The following ZNF45 variants were observed in gnomAD, a reference collection of about 807,000 sequenced individuals.
ZNF45 encodes the protein BRC1744.
ZNF45 carries 4 observed loss-of-function variants against 12.0 expected under a neutral mutation model. That is an observed-to-expected ratio of 0.33 (90% CI 0.16 to 0.76). The LOEUF (loss-of-function observed/expected upper bound fraction) is 0.76, where lower values mean the gene tolerates loss of function less well. Among genes scored for constraint, ZNF45 ranks in the 30% least tolerant of loss-of-function variants. ZNF45 has a pLI of 0.60. For synonymous variants in ZNF45, 272 were observed against 279.6 expected, an observed-to-expected ratio of 0.97 and a Z score of 0.27; for missense variants, 700 against 813.0, an observed-to-expected ratio of 0.86 and a Z score of 1.69.
chr19:43,918,283 A>C (rs1287306454), intron 9 of ZNF45, among the ~76,000 whole-genome samples: 2 of 152,210 alleles, frequency 1.3e-5, no homozygotes, highest in East Asian at 1.9e-4. Flanking sequence ...GCTACAGGAA[A>C]GCCACAAGGG....
At chr19:43,925,603 C>T (rs777463234) in intron 3 of ZNF45, 145 bp from the exon 4 acceptor site, 2 of 152,130 alleles carry the variant, frequency 1.3e-5, no homozygotes, top group Non-Finnish European at 2.9e-5. Context: ...ATAAAACCTT[C>T]CAATCTTAGA....
chr19:43,927,240 C>T (rs1263367630), intron 3 of ZNF45, among the ~76,000 whole-genome samples: 2 of 152,160 alleles, frequency 1.3e-5, no homozygotes, highest in Admixed American at 6.6e-5. Context: ...ATATTCATTA[C>T]ACTTGTCTAA....
chr19:43,916,338 G>T (rs1245642328), intron 9 of ZNF45, among the ~76,000 whole-genome samples: 1 of 151,862 alleles, frequency 6.6e-6, no homozygotes, highest in Middle Eastern at 3.2e-3. Context: ...CTGGTCTCAA[G>T]CTCCTGAGCT....
rs140417622 is a variant in ZNF45 at position 43,914,245 on chromosome 19, G to A, written c.1191C>T (p.Phe397=). 18,754 of 1,613,844 alleles carry A rather than the reference G, an allele frequency of 0.012. 138 individuals carry two copies. Among genetic ancestry groups the A allele is most frequent in the Non-Finnish European group, 0.014 (16,959 of 1,179,860 alleles). The change falls in exon 10 of 10, where the codon TTC becomes TTT. Residue 397 remains phenylalanine (F), a synonymous_variant. Transcript: ENST00000269973. ...GGTCCAGCAGATTTGAGGCCCGGCA[G>A]AAGCCTTTCCCACACTCCTCACATT... ...PYKCEECGKG[F]CRASNLLDHQ...
At chr19:43,930,245 C>T (rs1974015180) in intron 3 of ZNF45, among the ~76,000 whole-genome samples, 1 of 152,148 alleles carries the variant, frequency 6.6e-6, no homozygotes, top group African/African-American at 2.4e-5. Flanking sequence ...AGCATTAACT[C>T]CTTCATGCCC....
At chr19:43,929,773 T>A (rs2147174924) in intron 3 of ZNF45, among the ~76,000 whole-genome samples, 1 of 152,300 alleles carries the variant, frequency 6.6e-6, no homozygotes, top group South Asian at 2.1e-4. Context: ...AAATGGTCAA[T>A]TAAATCTTCT....
Position 43,919,625 on chromosome 19 carries a change from C to T in ZNF45, c.90G>A (p.Arg30=). The change falls in exon 8 of 10, where the codon AGG becomes AGA. Residue 30 remains arginine, a synonymous_variant. Transcript: ENST00000269973. ...CCAGCATCACATCTCGGTACAGCTT[C>T]CTCTGGGCAAGGTCCAGCAGTTGCA... ...EELQLLDLAQ[R]KLYRDVMLEN... 1 of 1,613,396 alleles carries T rather than the reference C, an allele frequency of 6.2e-7. No homozygotes were observed. Among genetic ancestry groups the T allele is most frequent in the South Asian group, 1.1e-5 (1 of 91,054 alleles).
At chr19:43,917,786 G>GC (rs1477418669) in intron 9 of ZNF45, among the ~76,000 whole-genome samples, 1 of 152,116 alleles carries the variant, frequency 6.6e-6, no homozygotes, top group Non-Finnish European at 1.5e-5. Flanking sequence ...ATGACTGGCT[G>GC]CAAGTTTTCA....
intron 9 of ZNF45, among the ~76,000 whole-genome samples, chr19:43,916,290 C>T (rs386662): frequency 0.99 from 151,371 of 152,156 alleles, 75,300 homozygotes; most frequent in Middle Eastern, 1. Flanking sequence ...AATTTTTGTA[C>T]TTTTTTGTAG....
At position 43,915,040 on chromosome 19, in the gene ZNF45, C is replaced by T. The variant is rs1337849344; in HGVS notation, c.396G>A (p.Leu132=). Residue 132 remains leucine, a synonymous_variant, in exon 10 of 10, where the codon TTG becomes TTA. Transcript: ENST00000269973. The stretch of plus-strand genomic sequence containing the variant: ...TATAGTGCAAATCATCTCGTTTTTC[C>T]AACTGGCAGCCTGTTCTTTGAATAT... ...VVNIQRTGCQ[L]EKRDDLHYKD... is the part of the protein sequence containing the mutation. The T allele has an allele frequency of 6.2e-7, 1 of 1,610,260 alleles. No individual in the cohort carries two copies. The highest frequency in any genetic ancestry group is 8.5e-7 in the Non-Finnish European group (1 of 1,178,462).
Position 43,914,388 on chromosome 19 carries a change from G to A in ZNF45, c.1048C>T (p.His350Tyr), listed in dbSNP as rs1467466865. The change falls in exon 10 of 10, where the codon CAT (histidine) becomes TAT (tyrosine). Residue 350 changes from histidine to tyrosine, a missense_variant. Transcript: ENST00000269973. ...SFSYSSHLNI[H>Y]CRIHTGEKPY... ...TTCTCTCCTGTGTGGATTCTACAAT[G>A]AATATTAAGGTGTGAGCTGTAACTA... 6.2e-7 allele frequency: 1 copy of A among 1,610,700 alleles called. No individual in the cohort carries two copies. The highest frequency in any genetic ancestry group is 8.5e-7 in the Non-Finnish European group (1 of 1,177,782).
chr19:43,934,283 G>C (rs1245328061), intron 2 of ZNF45, 143 bp downstream of exon 2: 1 of 152,234 alleles, frequency 6.6e-6, no homozygotes, highest in Admixed American at 6.5e-5. Flanking sequence ...TGAAGGTTCA[G>C]TGTGTTAGTT....
chr19:43,919,083 T>A (rs1447503717), intron 8 of ZNF45, 121 bp from the exon 9 acceptor site: 1 of 738,132 alleles, frequency 1.4e-6, no homozygotes, highest in Non-Finnish European at 2.3e-6. Flanking sequence ...ACACTTCTAA[T>A]CATGACCCAT....
In ZNF45 at chr19:43,924,713, C is replaced by T. The variant is rs549020569; in HGVS notation, c.-265-152G>A. The stretch of plus-strand genomic sequence containing the variant: ...AGGGAGTAGAGAACAGAGTTGTGAA[C>T]AGTCTAGACTCCAGAACCAGCCCAC... On this transcript the variant is annotated intron_variant, in intron 4 of 9. Coordinates refer to ENST00000269973, the MANE Select transcript of ZNF45 (RefSeq NM_003425.4). 4.8e-4 allele frequency among the ~76,000 whole-genome samples: 73 copies of T among 152,290 alleles called. No homozygotes were observed. In the South Asian group the frequency reaches 0.015, roughly 30 times the overall value.
chr19:43,932,875 G>A (rs906307403), intron 2 of ZNF45, among the ~76,000 whole-genome samples, 185 bp from the exon 3 acceptor site: 1 of 152,110 alleles, frequency 6.6e-6, no homozygotes, highest in African/African-American at 2.4e-5. Flanking sequence ...ATCTATTATG[G>A]GCTGAATTGT....
rs406968 is a variant in ZNF45 at position 43,914,191 on chromosome 19, C to T, written c.1245G>A (p.Pro415=). 0.5 allele frequency: 813,742 copies of T among 1,613,280 alleles called. 210,402 individuals carry two copies. The highest frequency in any genetic ancestry group is 0.83 in the East Asian group (37,244 of 44,828). ...DHQRGHTGEK[P]YQCDACGKGF... ...CCTTACCACATGCATCACACTGATA[C>T]GGTTTCTCTCCAGTATGGCCTCTTT... is the stretch of plus-strand genomic sequence containing the variant. The change falls in exon 10 of 10, where the codon CCG becomes CCA. Residue 415 remains proline, a synonymous_variant. Coordinates refer to ENST00000269973, the MANE Select transcript of ZNF45 (RefSeq NM_003425.4).
intron 3 of ZNF45, among the ~76,000 whole-genome samples, chr19:43,928,661 C>T (rs1973885458): frequency 6.6e-6 from 1 of 152,192 alleles, no homozygotes; most frequent in Admixed American, 6.5e-5. Context: ...TTGAGGTTTT[C>T]ACCTCCAATT....
intron 7 of ZNF45, among the ~76,000 whole-genome samples, chr19:43,920,612 T>TC (rs1229139994): frequency 1.4e-5 from 2 of 147,710 alleles, no homozygotes; most frequent in Non-Finnish European, 3.0e-5. Context: ...TTTTTTTTTT[T>TC]TTTTTTGAGA....
intron 7 of ZNF45, among the ~76,000 whole-genome samples, chr19:43,920,134 C>T (rs991306559): frequency 6.6e-6 from 1 of 152,062 alleles, no homozygotes; most frequent in Non-Finnish European, 1.5e-5. Flanking sequence ...CATTAAGAAA[C>T]AACTGGGTTT....
Sources: gnomAD v4.1 joint callset for allele counts (sites outside exome capture counted in the v4.1 genomes callset) on GRCh38, gnomAD v4.1.1 for gene constraint, MANE v1.5 for transcripts, NCBI Gene and HGNC (gene_info 2026-07-23, HGNC 2026-07-21) for gene names.